The following AP4E1 variants were observed in gnomAD, a reference collection of about 807,000 sequenced individuals.
AP4E1 encodes the protein AP-4 complex subunit epsilon-1.
AP4E1 carries 56 observed loss-of-function variants against 128.2 expected under a neutral mutation model. The ratio of observed to expected loss-of-function variants is 0.44; its 90% CI spans 0.35 to 0.55. AP4E1 has a LOEUF of 0.55. Among genes scored for constraint, AP4E1 ranks in the 20% least tolerant of loss-of-function variants. The pLI, the probability that AP4E1 is intolerant of heterozygous loss-of-function variation, is 0.00. For synonymous variants in AP4E1, 484 were observed against 473.1 expected (o/e 1.02, Z -0.30); for missense variants, 1,324 against 1,307.7 (o/e 1.01, Z -0.19).
At chr15:50,915,227 C>G (rs1245235358) in intron 2 of AP4E1, among the ~76,000 whole-genome samples, 6 of 152,030 alleles carry the variant, frequency 3.9e-5, no homozygotes, top group Non-Finnish European at 2.9e-5. Context: ...GTGCTACTAA[C>G]AAAATAGTGA....
At chr15:50,961,181 A>T (rs1287521836) in intron 14 of AP4E1, among the ~76,000 whole-genome samples, 1 of 152,050 alleles carries the variant, frequency 6.6e-6, no homozygotes, top group Non-Finnish European at 1.5e-5. Flanking sequence ...AAATTTATAA[A>T]GAAGAACTAG....
At chr15:50,948,669 C>G (rs796536306) in intron 11 of AP4E1, among the ~76,000 whole-genome samples, 34 of 152,220 alleles carry the variant, frequency 2.2e-4, no homozygotes, top group African/African-American at 8.2e-4. Context: ...ATATTCCATT[C>G]ATTAAAAAAT....
At chr15:50,958,855 G>C in intron 14 of AP4E1, 61 bp downstream of exon 14, 2 of 1,518,612 alleles carry the variant, frequency 1.3e-6, no homozygotes, top group Non-Finnish European at 1.8e-6. Flanking sequence ...AGTAATTCTT[G>C]CATTTGTGAC....
At chr15:50,941,925 T>A (rs531992664) in intron 10 of AP4E1, 150 bp downstream of exon 10, 1 of 667,086 alleles carries the variant, frequency 1.5e-6, no homozygotes, top group East Asian at 2.7e-5. Flanking sequence ...CTTTTTTTGT[T>A]TTCTATTTTG....
intron 16 of AP4E1, among the ~76,000 whole-genome samples, chr15:50,991,523 G>A (rs892276719): frequency 3.3e-5 from 5 of 151,700 alleles, no homozygotes; most frequent in Admixed American, 3.3e-4. Flanking sequence ...ACCAATTTTT[G>A]TCTAAGAGGT....
chr15:50,975,978 G>A (rs1596497953), intron 15 of AP4E1, among the ~76,000 whole-genome samples: 2 of 152,090 alleles, frequency 1.3e-5, no homozygotes, highest in African/African-American at 2.4e-5. Flanking sequence ...GAGAGAGAGA[G>A]AGAAAGAGAG....
intron 15 of AP4E1, among the ~76,000 whole-genome samples, chr15:50,975,125 G>A (rs1326525855): frequency 6.6e-6 from 1 of 152,204 alleles, no homozygotes. Flanking sequence ...GCTTTTACCA[G>A]CTGGGCGCGG....
intron 9 of AP4E1, 45 bp from the exon 10 acceptor site, chr15:50,941,621 T>C (rs2141175266): frequency 1.2e-6 from 2 of 1,611,842 alleles, no homozygotes; most frequent in Middle Eastern, 1.7e-4. Flanking sequence ...AAATTTGCTG[T>C]GTATTTGTTT....
chr15:50,991,638 T>C (rs923382003), intron 16 of AP4E1, among the ~76,000 whole-genome samples: 1 of 152,134 alleles, frequency 6.6e-6, no homozygotes, highest in African/African-American at 2.4e-5. Context: ...GTAAAAATCA[T>C]TGAGAAGGAA....
At chr15:50,993,132 TTAAC>T (rs910486538) in intron 16 of AP4E1, among the ~76,000 whole-genome samples, 14 of 152,206 alleles carry the variant, frequency 9.2e-5, no homozygotes, top group African/African-American at 3.4e-4. Context: ...TCTGAAATTT[TTAAC>T]TAAGTCTGGA....
intron 14 of AP4E1, among the ~76,000 whole-genome samples, chr15:50,963,608 A>G (rs535687725): frequency 2.6e-5 from 4 of 152,344 alleles, no homozygotes; most frequent in Non-Finnish European, 5.9e-5. Context: ...GGTTAGTAAC[A>G]TACCTAGATA....
Position 50,957,551 on chromosome 15 carries a change from G to C in AP4E1, c.1549-941G>C, listed in dbSNP as rs373630513. ...TCAGGCTTTCTGGCTTGCGGGTGGG[G>C]CTTCTCCAGGGACCCCACCCTTTTC... On this transcript the variant is annotated intron_variant, in intron 13 of 20. Coordinates refer to ENST00000261842, the MANE Select transcript of AP4E1 (RefSeq NM_007347.5). Among the ~76,000 whole-genome samples the C allele has an allele frequency of 1.2e-4, 18 of 152,130 alleles. No individual in the cohort carries two copies. In the East Asian group the frequency reaches 2.7e-3, roughly 23 times the overall value.
At chr15:50,919,584 A>T (rs977727892) in intron 3 of AP4E1, among the ~76,000 whole-genome samples, 2 of 151,624 alleles carry the variant, frequency 1.3e-5, no homozygotes, top group Non-Finnish European at 2.9e-5. Flanking sequence ...ATAAGTAAAT[A>T]AATTATGCTG....
intron 15 of AP4E1, among the ~76,000 whole-genome samples, chr15:50,982,226 A>G (rs941504191): frequency 6.6e-6 from 1 of 152,002 alleles, no homozygotes; most frequent in Non-Finnish European, 1.5e-5. Flanking sequence ...TGGACTTCTC[A>G]GTTTCTGGAA....
At chr15:50,936,516 C>T (rs1322013098) in intron 8 of AP4E1, among the ~76,000 whole-genome samples, 1 of 151,998 alleles carries the variant, frequency 6.6e-6, no homozygotes, top group Non-Finnish European at 1.5e-5. Context: ...GTGTCCTTTC[C>T]ACCCTTATCA....
intron 15 of AP4E1, among the ~76,000 whole-genome samples, chr15:50,978,741 C>T (rs1010232990): frequency 1.3e-5 from 2 of 152,194 alleles, no homozygotes; most frequent in Non-Finnish European, 2.9e-5. Context: ...AGTCAGCCGT[C>T]TTCTTCCTTC....
chr15:50,919,436 G>C (rs982791674), intron 3 of AP4E1, among the ~76,000 whole-genome samples: 1 of 151,950 alleles, frequency 6.6e-6, no homozygotes, highest in Admixed American at 6.6e-5. Context: ...GAAGGCTGAG[G>C]CAGGAGAATC....
Position 51,002,728 on chromosome 15 carries a change from A to T in AP4E1, c.*66A>T. Reference sequence around the variant, plus strand: ...TTACATAGATAAACTTATTTACCAAAGTAAAAAGAACTCATGGTACTTCTA... The same window carrying T: ...TTACATAGATAAACTTATTTACCAATGTAAAAAGAACTCATGGTACTTCTA... On this transcript the variant is annotated 3_prime_UTR_variant, in exon 21 of 21. Transcript: ENST00000261842. 3 of 1,578,976 alleles carry T rather than the reference A, an allele frequency of 1.9e-6. No homozygotes were observed. The highest frequency in any genetic ancestry group is 1.1e-5 in the South Asian group (1 of 89,358).
chr15:50,934,770 A>G, intron 8 of AP4E1, 73 bp downstream of exon 8: 1 of 970,998 alleles, frequency 1.0e-6, no homozygotes, highest in Non-Finnish European at 1.6e-6. Context: ...TCTGTGTTAG[A>G]ATGCTATAAA....
Sources: allele counts gnomAD v4.1 joint callset (sites outside exome capture counted in the v4.1 genomes callset), GRCh38; gene constraint gnomAD v4.1.1; transcripts MANE v1.5; gene names NCBI Gene and HGNC (gene_info 2026-07-23, HGNC 2026-07-21).